Variants in RGS17 observed in about 807,000 individuals in gnomAD.
RGS17 encodes regulator of G-protein signaling 17.
Under a neutral mutation model 25.5 loss-of-function variants are expected in RGS17, and 12 were observed. That is an observed-to-expected ratio of 0.47 (90% CI 0.30 to 0.76). RGS17 has a LOEUF of 0.76. Among genes scored for constraint, RGS17 ranks in the 30% least tolerant of loss-of-function variants. RGS17 has a pLI of 0.07. For synonymous variants in RGS17, 71 were observed against 76.9 expected, an observed-to-expected ratio of 0.92 and a Z score of 0.40; for missense variants, 196 against 242.2, an observed-to-expected ratio of 0.81 and a Z score of 1.27.
intron 4 of RGS17, among the ~76,000 whole-genome samples, chr6:153,017,868 T>TCTGC (rs1340283337): frequency 6.6e-6 from 1 of 152,212 alleles, no homozygotes; most frequent in Non-Finnish European, 1.5e-5. Flanking sequence ...AATGGTAACA[T>TCTGC]CTGCCACTGG....
chr6:153,114,881 C>T (rs560722843), intron 1 of RGS17, among the ~76,000 whole-genome samples: 1 of 152,212 alleles, frequency 6.6e-6, no homozygotes, highest in East Asian at 1.9e-4. Flanking sequence ...ATTCAACACC[C>T]CTTCATGCTA....
At chr6:153,034,562 G>A (rs532637621) in intron 2 of RGS17, among the ~76,000 whole-genome samples, 2 of 152,214 alleles carry the variant, frequency 1.3e-5, no homozygotes, top group Admixed American at 6.5e-5. Flanking sequence ...ATGACTAATC[G>A]CATTTTACTG....
chr6:153,028,583 C>A (rs1381810848), intron 2 of RGS17, among the ~76,000 whole-genome samples: 1 of 151,990 alleles, frequency 6.6e-6, no homozygotes, highest in Non-Finnish European at 1.5e-5. Context: ...TATTTCCAGT[C>A]ATGATGGGAA....
At chr6:153,087,958 C>G (rs974209804) in intron 1 of RGS17, among the ~76,000 whole-genome samples, 1 of 152,096 alleles carries the variant, frequency 6.6e-6, no homozygotes, top group Non-Finnish European at 1.5e-5. Context: ...AGAATAAGAC[C>G]AAAGTGATGA....
intron 4 of RGS17, among the ~76,000 whole-genome samples, chr6:153,014,868 G>A (rs1195942860): frequency 2.6e-5 from 4 of 151,922 alleles, no homozygotes; most frequent in African/African-American, 9.7e-5. Flanking sequence ...ATAGATCTAG[G>A]CAAAGCAAAT....
chr6:153,077,542 T>C (rs1277191173), intron 1 of RGS17, among the ~76,000 whole-genome samples: 1 of 152,216 alleles, frequency 6.6e-6, no homozygotes, highest in African/African-American at 2.4e-5. Context: ...TTAAATGGTA[T>C]ATCTTTCTGT....
At chr6:153,109,814 G>C (rs377153638) in intron 1 of RGS17, among the ~76,000 whole-genome samples, 1 of 152,226 alleles carries the variant, frequency 6.6e-6, no homozygotes, top group African/African-American at 2.4e-5. Flanking sequence ...CCTTTTGCTT[G>C]TCCGGAACCT....
At chr6:153,086,226 T>C (rs1206368952) in intron 1 of RGS17, among the ~76,000 whole-genome samples, 3 of 152,194 alleles carry the variant, frequency 2.0e-5, no homozygotes, top group Admixed American at 6.5e-5. Flanking sequence ...TCATACTCAA[T>C]ATGAATTGAT....
chr6:153,111,325 G>T (rs1217575484), intron 1 of RGS17, among the ~76,000 whole-genome samples: 1 of 152,180 alleles, frequency 6.6e-6, no homozygotes, highest in African/African-American at 2.4e-5. Flanking sequence ...AAGCCGCCAG[G>T]AAGTTCAAAC....
rs1297892102 is a variant in RGS17 at position 153,006,789 on chromosome 6, G to A, written c.*4785C>T. ...ATCCTGATAATTACGTATTTTATTTGTCATTTGCAGATGAGGAAATGAACT... is the reference window on the plus strand; with the variant it reads ...ATCCTGATAATTACGTATTTTATTTATCATTTGCAGATGAGGAAATGAACT... On this transcript the variant is annotated 3_prime_UTR_variant, in exon 5 of 5. Coordinates refer to ENST00000206262, the MANE Select transcript of RGS17 (RefSeq NM_012419.5). 6.6e-6 allele frequency: 1 copy of A among 151,938 alleles called. No homozygotes were observed. The highest frequency in any genetic ancestry group is 1.5e-5 in the Non-Finnish European group (1 of 68,000). The allele number at this position is 151,938 out of a possible 1,614,324, so 9.4% of individuals were successfully genotyped here. A position where few individuals can be genotyped will look rare whatever the true frequency, so the allele number is the denominator to read the frequency against.
intron 1 of RGS17, among the ~76,000 whole-genome samples, chr6:153,067,255 A>G (rs984803113): frequency 6.6e-6 from 1 of 152,174 alleles, no homozygotes; most frequent in Non-Finnish European, 1.5e-5. Context: ...CTGGAACATG[A>G]CAAGGATGCA....
chr6:153,103,975 A>C (rs1777343380), intron 1 of RGS17, among the ~76,000 whole-genome samples: 1 of 152,232 alleles, frequency 6.6e-6, no homozygotes, highest in Admixed American at 6.5e-5. Flanking sequence ...TTGATTGTAA[A>C]ATGTGTACTG....
intron 1 of RGS17, among the ~76,000 whole-genome samples, chr6:153,085,176 G>C (rs1777036397): frequency 6.6e-6 from 1 of 152,132 alleles, no homozygotes; most frequent in South Asian, 2.1e-4. Context: ...AGTATCCATA[G>C]TCAACACTTT....
intron 1 of RGS17, among the ~76,000 whole-genome samples, chr6:153,119,878 T>C (rs1777601145): frequency 6.6e-6 from 1 of 152,218 alleles, no homozygotes; most frequent in Non-Finnish European, 1.5e-5. Flanking sequence ...ATTTTCATCA[T>C]ATCATTGGGA....
At chr6:153,069,129 G>A (rs1776747979) in intron 1 of RGS17, among the ~76,000 whole-genome samples, 1 of 152,138 alleles carries the variant, frequency 6.6e-6, no homozygotes, top group Non-Finnish European at 1.5e-5. Context: ...AAGGAAATCA[G>A]CATATTGAAG....
intron 1 of RGS17, among the ~76,000 whole-genome samples, chr6:153,118,784 T>C (rs1777579270): frequency 6.6e-6 from 1 of 152,206 alleles, no homozygotes; most frequent in African/African-American, 2.4e-5. Flanking sequence ...CAAAATCTGA[T>C]GTGTCATCCT....
Position 153,070,838 on chromosome 6 carries a change from T to C in RGS17, c.-25-26795A>G, listed in dbSNP as rs532675423. 6.0e-5 allele frequency among the ~76,000 whole-genome samples: 9 copies of C among 150,634 alleles called. No homozygotes were observed. In the South Asian group the frequency reaches 1.7e-3, roughly 28 times the overall value. On this transcript the variant is annotated intron_variant, in intron 1 of 4. Transcript: ENST00000206262. ...ATACATATACATATATACACATACA[T>C]ATACATATACACAATACATATATAA...
At chr6:153,070,373 A>T (rs1776769652) in intron 1 of RGS17, among the ~76,000 whole-genome samples, 1 of 152,118 alleles carries the variant, frequency 6.6e-6, no homozygotes, top group South Asian at 2.1e-4. Flanking sequence ...AAAATATAGA[A>T]CATAATCAGA....
At chr6:153,118,318 C>T (rs4091725) in intron 1 of RGS17, among the ~76,000 whole-genome samples, 1 of 152,156 alleles carries the variant, frequency 6.6e-6, no homozygotes, top group Non-Finnish European at 1.5e-5. Flanking sequence ...CCTTCAAGGC[C>T]TTAAAGAAAC....
Sources: allele counts gnomAD v4.1 joint callset (sites outside exome capture counted in the v4.1 genomes callset), GRCh38; gene constraint gnomAD v4.1.1; transcripts MANE v1.5; gene names NCBI Gene and HGNC (gene_info 2026-07-23, HGNC 2026-07-21).